Variants in N4BP2 observed in about 807,000 individuals in gnomAD.
N4BP2 encodes NEDD4 binding protein 2, also known as NEDD4-binding protein 2.
A neutral mutation model predicts 152.8 loss-of-function variants in N4BP2; 91 were observed. That is an observed-to-expected ratio of 0.60 (90% confidence interval 0.50 to 0.71). The LOEUF is 0.71. N4BP2 is among the 30% of genes least tolerant of loss of function. The pLI is 0.00. For synonymous variants in N4BP2, 646 were observed against 705.3 expected (o/e 0.92, Z 1.33); for missense variants, 1,923 against 2,059.1 (o/e 0.93, Z 1.28).
At chr4:40,092,008 TTATATATATATATATATATATATATA>T (rs1221314746) in intron 2 of N4BP2, among the ~76,000 whole-genome samples, 3 of 27,202 alleles carry the variant, frequency 1.1e-4, no homozygotes, top group Non-Finnish European at 1.8e-4. Context: ...AAAAAAAAAA[TTATATATATATATATATATATATATA>T]TATATATATA....
At chr4:40,084,816 T>C (rs953906752) in intron 2 of N4BP2, among the ~76,000 whole-genome samples, 1 of 150,490 alleles carries the variant, frequency 6.6e-6, no homozygotes, top group Non-Finnish European at 1.5e-5. Flanking sequence ...GGTTTCTCCA[T>C]ATTGGTCAGG....
At chr4:40,160,362 G>A (rs932293136), downstream of N4BP2, among the ~76,000 whole-genome samples, 3 of 152,152 alleles carry the variant, frequency 2.0e-5, no homozygotes, top group East Asian at 1.9e-4. Context: ...TGCCGTATGC[G>A]TTTAGTAGAA....
rs760890885 is a variant in N4BP2 at position 40,102,690 on chromosome 4, C to A, written c.845C>A (p.Ala282Asp). The A allele has an allele frequency of 1.2e-6, 2 of 1,614,070 alleles. No individual in the cohort carries two copies. Among genetic ancestry groups the A allele is most frequent in the African/African-American group, 2.7e-5 (2 of 74,920 alleles). ...SECVEAQFSE[A>D]PVDLDASEPQ... ...TGCGTTGAGGCTCAATTCTCTGAAG[C>A]TCCTGTAGATTTGGATGCCAGTGAA... Residue 282 changes from alanine to aspartate, a missense_variant, in exon 4 of 18, where the codon GCT (alanine) becomes GAT (aspartate). Coordinates refer to ENST00000261435, the MANE Select transcript of N4BP2 (RefSeq NM_018177.6).
rs767562219 is a variant in N4BP2 at position 40,102,854 on chromosome 4, A to G, written c.1009A>G (p.Lys337Glu). The change falls in exon 4 of 18, where the codon AAG (lysine) becomes GAG (glutamate). Residue 337 changes from lysine (K) to glutamate (E), a missense_variant. Transcript: ENST00000261435. ...KPHKHPELPT[K>E]GKDVSYCPVL... ...ACACAAACATCCTGAACTGCCAACT[A>G]AGGGGAAGGATGTGAGTTACTGCCC... 45 of 1,614,144 alleles carry G rather than the reference A, an allele frequency of 2.8e-5. No homozygotes were observed. Among genetic ancestry groups the G allele is most frequent in the Non-Finnish European group, 3.7e-5 (44 of 1,180,026 alleles).
intron 12 of N4BP2, among the ~76,000 whole-genome samples, chr4:40,130,463 T>A (rs1718812902): frequency 6.6e-6 from 1 of 152,248 alleles, no homozygotes; most frequent in Non-Finnish European, 1.5e-5. Flanking sequence ...ATAAATGGCC[T>A]AAGTATGGTT....
At position 40,097,350 on chromosome 4, in the gene N4BP2, A is replaced by C; in HGVS notation, c.10A>C (p.Arg4=). The C allele has an allele frequency of 6.2e-7, 1 of 1,612,850 alleles. No individual in the cohort carries two copies. The highest frequency in any genetic ancestry group is 8.5e-7 in the Non-Finnish European group (1 of 1,178,968). MPR[R]RKNLGGNPFR... Reference sequence around the variant, plus strand: ...AGTTTTGGAAGTCAGAATGCCAAGGAGAAGGAAAAATCTTGGGGGAAATCC... The same window carrying C: ...AGTTTTGGAAGTCAGAATGCCAAGGCGAAGGAAAAATCTTGGGGGAAATCC... The change falls in exon 3 of 18, where the codon AGA becomes CGA. Residue 4 remains arginine, a synonymous_variant. Transcript: ENST00000261435.
intron 14 of N4BP2, among the ~76,000 whole-genome samples, chr4:40,139,943 G>A (rs970760553): frequency 6.6e-6 from 1 of 151,156 alleles, no homozygotes; most frequent in Non-Finnish European, 1.5e-5. Context: ...GGGACTACAG[G>A]CATGAACCAC....
At chr4:40,136,343 A>AATCAATCT (rs1553926176) in intron 13 of N4BP2, among the ~76,000 whole-genome samples, 9 of 136,610 alleles carry the variant, frequency 6.6e-5, no homozygotes, top group African/African-American at 1.6e-4. Flanking sequence ...TTAGAAATTG[A>AATCAATCT]ATCTATCTAT....
At position 40,111,959 on chromosome 4, in the gene N4BP2, G is replaced by C. The variant is rs1228774418; in HGVS notation, c.1499-125G>C. On this transcript the variant is annotated intron_variant, in intron 5 of 17. Coordinates refer to ENST00000261435, the MANE Select transcript of N4BP2 (RefSeq NM_018177.6). The stretch of plus-strand genomic sequence containing the variant: ...TTTTATGTCCTCAAAGGGATATTTA[G>C]AAGTTGAGCAGTGAGTAAAATTAGC... 33 of 580,586 alleles carry C rather than the reference G, an allele frequency of 5.7e-5. No individual in the cohort carries two copies. The East Asian group carries it at 1.1e-3, about 19-fold the overall frequency. 36.0% of individuals were successfully genotyped at this position (580,586 alleles called of 1,614,324 possible).
chr4:40,104,204 G>A (rs917308962), intron 4 of N4BP2, among the ~76,000 whole-genome samples: 4 of 151,342 alleles, frequency 2.6e-5, no homozygotes, highest in African/African-American at 7.3e-5. Context: ...CACCCGCCCC[G>A]GCCTCCCAAA....
In N4BP2 at chr4:40,102,117, AT is replaced by A; in HGVS notation, c.273del (p.Asp91GlufsTer4). On this transcript the variant is annotated frameshift_variant, in exon 4 of 18. Coordinates refer to ENST00000261435, the MANE Select transcript of N4BP2 (RefSeq NM_018177.6). LOFTEE classifies it high-confidence loss of function. ...TGTCTATTAGAATTATCTGCCACTGATACCAAGATAGAAGAATCATCTTCAC... is the reference window on the plus strand; with the variant it reads ...TGTCTATTAGAATTATCTGCCACTGAACCAAGATAGAAGAATCATCTTCAC... ...MDCLLELSATDTKIEESSSQS... is the reference protein window; with the variant it reads ...MDCLLELSATXTKIEESSSQS... The A allele has an allele frequency of 1.2e-6, 2 of 1,610,412 alleles. No homozygotes were observed.
chr4:40,115,243 T>C lies in N4BP2; in HGVS notation c.1664+1735T>C, dbSNP rs866135474. 1.2e-4 allele frequency among the ~76,000 whole-genome samples: 19 copies of C among 152,346 alleles called. 1 individual carries two copies. Among genetic ancestry groups the C allele is most frequent in the Middle Eastern group, 3.4e-3 (1 of 294 alleles). On this transcript the variant is annotated intron_variant, in intron 7 of 17. Coordinates refer to ENST00000261435, the MANE Select transcript of N4BP2 (RefSeq NM_018177.6). ...CAGGTGTGGTGGCTCCTGCCTGTGA[T>C]CCCAGTACTTTGGGAAGCTGAAGCA...
At chr4:40,106,139 G>T (rs1200399690) in intron 4 of N4BP2, among the ~76,000 whole-genome samples, 2 of 152,192 alleles carry the variant, frequency 1.3e-5, no homozygotes, top group Admixed American at 6.5e-5. Context: ...CCATTATAAA[G>T]ATTTTATAGT....
At chr4:40,095,900 C>T (rs182572159) in intron 2 of N4BP2, among the ~76,000 whole-genome samples, 2 of 152,200 alleles carry the variant, frequency 1.3e-5, no homozygotes, top group Admixed American at 1.3e-4. Context: ...ACCCTTTTTA[C>T]ATCGTATAAA....
intron 13 of N4BP2, among the ~76,000 whole-genome samples, chr4:40,134,931 TTTTTA>T (rs55709780): frequency 0.11 from 12,803 of 119,944 alleles, 459 homozygotes; most frequent in East Asian, 0.15. Flanking sequence ...CTTTCTTTCT[TTTTTA>T]TTTTATTTTA....
At chr4:40,173,825 T>A in the N4BP2 span, among the ~76,000 whole-genome samples, 1 of 152,200 alleles carries the variant, frequency 6.6e-6, no homozygotes, top group South Asian at 2.1e-4. Flanking sequence ...TTCTCTTTCC[T>A]CTCTCTGCTC....
intron 16 of N4BP2, 142 bp downstream of exon 16, chr4:40,144,942 C>T (rs184349989): frequency 2.3e-4 from 134 of 571,594 alleles, no homozygotes; most frequent in African/African-American, 1.7e-3. Context: ...ATTCATTCTT[C>T]AAGAGAACCT....
At chr4:40,137,792 A>G (rs1719539332) in intron 14 of N4BP2, among the ~76,000 whole-genome samples, 1 of 152,146 alleles carries the variant, frequency 6.6e-6, no homozygotes, top group African/African-American at 2.4e-5. Context: ...GGAATGGGTA[A>G]GGCAGGGTAA....
At chr4:40,106,859 GA>G in intron 4 of N4BP2, 40 bp from the exon 5 acceptor site, 2 of 1,553,256 alleles carry the variant, frequency 1.3e-6, no homozygotes, top group Non-Finnish European at 1.7e-6. Context: ...AGAAAATTTA[GA>G]AGAAAAGGTA....
Sources: allele counts gnomAD v4.1 joint callset (sites outside exome capture counted in the v4.1 genomes callset), GRCh38; gene constraint gnomAD v4.1.1; transcripts MANE v1.5; gene names NCBI Gene and HGNC (gene_info 2026-07-23, HGNC 2026-07-21).